The following FBXL3 variants were observed in gnomAD, a reference collection of about 807,000 sequenced individuals.
FBXL3 encodes F-box and leucine rich repeat protein 3.
A neutral mutation model predicts 37.9 loss-of-function variants in FBXL3; 14 were observed. That is an observed-to-expected ratio of 0.37 (90% CI 0.24 to 0.58). The LOEUF (loss-of-function observed/expected upper bound fraction) is 0.58, where lower values mean the gene tolerates loss of function less well. Ranked by LOEUF, FBXL3 falls within the 20% of genes least tolerant of loss-of-function variation. FBXL3 has a pLI of 0.74. For missense variants in FBXL3, 327 were observed against 511.1 expected (o/e 0.64, Z 3.47); for synonymous variants, 194 against 180.1 (o/e 1.08, Z -0.62).
In FBXL3 at chr13:77,007,050, C is replaced by T. The variant is rs2034464148; in HGVS notation, c.*95G>A. ...TGACTGAAGATATCAAATTTCTGTG[C>T]CACAAAATAGTAGAATTATATCAGA... On this transcript the variant is annotated 3_prime_UTR_variant, in exon 5 of 5. Coordinates refer to ENST00000355619, the MANE Select transcript of FBXL3 (RefSeq NM_012158.4). 7.5e-6 allele frequency: 11 copies of T among 1,472,696 alleles called. No individual in the cohort carries two copies. The highest frequency in any genetic ancestry group is 8.9e-6 in the Non-Finnish European group (10 of 1,119,426). 91.2% of individuals were successfully genotyped at this position (1,472,696 alleles called of 1,614,324 possible).
chr13:77,026,346 A>G (rs950077289), intron 1 of FBXL3: 1 of 984,896 alleles, frequency 1.0e-6, no homozygotes, highest in Non-Finnish European at 1.2e-6. Context: ...CCACCTCCCC[A>G]CCGACTGGCT....
intron 4 of FBXL3, chr13:77,008,546 T>C (rs2034491712): frequency 6.6e-6 from 1 of 152,210 alleles, no homozygotes; most frequent in African/African-American, 2.4e-5. Context: ...ATGTTTGATC[T>C]CTCTGTAAGA....
intron 3 of FBXL3, chr13:77,017,070 TC>T (rs1469774031): frequency 6.4e-5 from 2 of 31,066 alleles, no homozygotes; most frequent in Non-Finnish European, 5.2e-4. Context: ...AAACATTTCT[TC>T]TATGTTCTCT....
At chr13:77,012,833 G>A (rs2154036544) in intron 4 of FBXL3, 1 of 152,266 alleles carries the variant, frequency 6.6e-6, no homozygotes, top group East Asian at 1.9e-4. Flanking sequence ...GGAGCACAGT[G>A]GTGCGACCTC....
At chr13:77,022,265 T>G (rs1359814915) in intron 1 of FBXL3, among the ~76,000 whole-genome samples, 1 of 152,220 alleles carries the variant, frequency 6.6e-6, no homozygotes, top group Admixed American at 6.5e-5. Flanking sequence ...ATATTTGTTC[T>G]TGAATTCCAG....
chr13:77,011,394 A>G (rs558283832), intron 4 of FBXL3, among the ~76,000 whole-genome samples: 1 of 151,470 alleles, frequency 6.6e-6, no homozygotes, highest in South Asian at 2.1e-4. Context: ...CATTTCTCCA[A>G]AGAAGATATA....
intron 1 of FBXL3, 90 bp downstream of exon 1, chr13:77,026,733 ACCCC>A (rs2034848923): frequency 1.8e-4 from 1 of 5,598 alleles, no homozygotes; most frequent in Admixed American, 1.1e-3. Context: ...GCCCCCCCCC[ACCCC>A]ACCCCACCCC....
At chr13:77,011,810 G>A (rs1291078850) in intron 4 of FBXL3, among the ~76,000 whole-genome samples, 1 of 151,854 alleles carries the variant, frequency 6.6e-6, no homozygotes, top group Non-Finnish European at 1.5e-5. Context: ...CCCCTAGCAT[G>A]GCTATAATCA....
chr13:77,008,849 G>A (rs529070723), intron 4 of FBXL3: 2 of 152,138 alleles, frequency 1.3e-5, no homozygotes, highest in South Asian at 2.1e-4. Context: ...CACTGCACCC[G>A]GCCTACTATA....
intron 1 of FBXL3, among the ~76,000 whole-genome samples, chr13:77,023,695 G>C (rs928108558): frequency 1.3e-5 from 2 of 152,084 alleles, no homozygotes; most frequent in Non-Finnish European, 2.9e-5. Context: ...CTAAACTTGG[G>C]GTCACAATCT....
chr13:77,022,723 T>C (rs1023750975), intron 1 of FBXL3, among the ~76,000 whole-genome samples: 3 of 152,236 alleles, frequency 2.0e-5, no homozygotes, highest in African/African-American at 7.2e-5. Flanking sequence ...TTCCCCAAGT[T>C]GTGTTTCTGA....
At chr13:77,020,734 TTTA>T (rs2034728467) in intron 2 of FBXL3, among the ~76,000 whole-genome samples, 1 of 152,160 alleles carries the variant, frequency 6.6e-6, no homozygotes, top group South Asian at 2.1e-4. Flanking sequence ...ACTGTGATTT[TTTA>T]TTTTTTTAAA....
chr13:77,007,275 C>T lies in FBXL3; in HGVS notation c.1157G>A (p.Arg386His), dbSNP rs756988737. The T allele has an allele frequency of 1.2e-6, 2 of 1,613,812 alleles. No homozygotes were observed. The highest frequency in any genetic ancestry group is 2.2e-5 in the East Asian group (1 of 44,880). ...TTCCATAATGGATAATTGAGATAGG[C>T]GGCCACCACACATCTTCACAAACTC... is the stretch of plus-strand genomic sequence containing the variant. Reference protein sequence around the residue: ...FVEFVKMCGGRLSQLSIMEEV... With the variant: ...FVEFVKMCGGHLSQLSIMEEV... Residue 386 changes from arginine (R) to histidine (H), a missense_variant, in exon 5 of 5, where the codon CGC becomes CAC. Transcript: ENST00000355619.
In FBXL3 at chr13:77,005,659, A is replaced by AATC. The variant is rs1044865798; in HGVS notation, c.*1483_*1485dup. ...TTTGGAAAGCAAAAATTATGTAGAA[A>AATC]ATCACCTTTTGCTTTATTCTTAAGA... is the stretch of plus-strand genomic sequence containing the variant. On this transcript the variant is annotated 3_prime_UTR_variant, in exon 5 of 5. Transcript: ENST00000355619. 3.3e-5 allele frequency: 5 copies of AATC among 152,174 alleles called. No homozygotes were observed. The highest frequency in any genetic ancestry group is 1.2e-4 in the African/African-American group (5 of 41,456). 9.4% of individuals were successfully genotyped at this position (152,174 alleles called of 1,614,324 possible). A position where few individuals can be genotyped will look rare whatever the true frequency, so the allele number is the denominator to read the frequency against.
intron 3 of FBXL3, chr13:77,018,042 G>C (rs966506165): frequency 4.6e-5 from 7 of 152,108 alleles, no homozygotes; most frequent in Admixed American, 1.3e-4. Context: ...TTGTGAGAGA[G>C]AGACACGATC....
chr13:77,023,287 G>A (rs1233773214), intron 1 of FBXL3, among the ~76,000 whole-genome samples: 1 of 152,008 alleles, frequency 6.6e-6, no homozygotes, highest in Non-Finnish European at 1.5e-5. Flanking sequence ...AGCCTCCAGA[G>A]TATCTGCATG....
chr13:77,006,797 G>A lies in FBXL3; in HGVS notation c.*348C>T, dbSNP rs898222883. On this transcript the variant is annotated 3_prime_UTR_variant, in exon 5 of 5. Coordinates refer to ENST00000355619, the MANE Select transcript of FBXL3 (RefSeq NM_012158.4). ...GTTTACATTTTTTTTTAAATGCATA[G>A]AGAATATAACATTTCAGAAAACCTA... 2 of 1,015,220 alleles carry A rather than the reference G, an allele frequency of 2.0e-6. No homozygotes were observed. The highest frequency in any genetic ancestry group is 2.4e-6 in the Non-Finnish European group (2 of 844,286). The allele number at this position is 1,015,220 out of a possible 1,614,324, so 62.9% of individuals were successfully genotyped here.
At chr13:77,009,663 A>G (rs903854850) in intron 4 of FBXL3, 3 of 152,210 alleles carry the variant, frequency 2.0e-5, no homozygotes, top group African/African-American at 7.2e-5. Flanking sequence ...CGGCAGTGTA[A>G]ATTAGTTCAA....
At chr13:77,011,412 C>T (rs1017334690) in intron 4 of FBXL3, among the ~76,000 whole-genome samples, 1 of 150,150 alleles carries the variant, frequency 6.7e-6, no homozygotes, top group South Asian at 2.1e-4. Context: ...ATACAAATGG[C>T]CAAGAAGCAC....
Sources: allele counts gnomAD v4.1 joint callset (sites outside exome capture counted in the v4.1 genomes callset), GRCh38; gene constraint gnomAD v4.1.1; transcripts MANE v1.5; gene names NCBI Gene and HGNC (gene_info 2026-07-23, HGNC 2026-07-21).